Variants in PRAMEF1 observed in about 807,000 individuals in gnomAD.
PRAMEF1 encodes PRAME family member 1.
Under a neutral mutation model 38.2 loss-of-function variants are expected in PRAMEF1, and 21 were observed. The observed-to-expected ratio is 0.55, with a 90% CI of 0.39 to 0.79. The LOEUF (loss-of-function observed/expected upper bound fraction) is 0.79, where lower values mean the gene tolerates loss of function less well. Ranked by LOEUF, PRAMEF1 falls within the 30% of genes least tolerant of loss-of-function variation. The pLI is 0.00. For synonymous variants in PRAMEF1, 200 were observed against 229.0 expected (o/e 0.87, Z 1.14); for missense variants, 497 against 565.8 (o/e 0.88, Z 1.23).
At chr1:12,792,909 A>G (rs1953926) in intron 1 of PRAMEF1, among the ~76,000 whole-genome samples, 3 of 150,378 alleles carry the variant, frequency 2.0e-5, no homozygotes, top group Non-Finnish European at 3.0e-5. Flanking sequence ...TTTATGGTGT[A>G]AACTGAGAAT....
rs375417480 is a variant in PRAMEF1, at chr1:12,793,222, A to G, written c.-6A>G. 8 of 1,606,780 alleles carry G rather than the reference A, an allele frequency of 5.0e-6. 1 individual carries two copies. The highest frequency in any genetic ancestry group is 6.8e-6 in the Non-Finnish European group (8 of 1,177,204). On this transcript the variant is annotated 5_prime_UTR_variant, in exon 2 of 4. Transcript: ENST00000332296. Reference sequence around the variant, plus strand: ...TTCTAGAGATTTTCCTTGCAGATCTATCAGGATGAGCATCCAGGCCCCACC... The same window carrying G: ...TTCTAGAGATTTTCCTTGCAGATCTGTCAGGATGAGCATCCAGGCCCCACC...
chr1:12,796,306 A>T lies in PRAMEF1; in HGVS notation c.*310A>T. On this transcript the variant is annotated 3_prime_UTR_variant, in exon 4 of 4. Coordinates refer to ENST00000332296, the MANE Select transcript of PRAMEF1 (RefSeq NM_023013.4). ...CACAGGCAAGTGTTCAGTGTGAGGG[A>T]AAAAACATAACAGCAGGGGGCAAGG... 2.2e-6 allele frequency: 1 copy of T among 447,216 alleles called. No individual in the cohort carries two copies. The highest frequency in any genetic ancestry group is 3.8e-6 in the Non-Finnish European group (1 of 266,188). The allele number at this position is 447,216 out of a possible 1,614,324, so 27.7% of individuals were successfully genotyped here.
chr1:12,796,196 T>C lies in PRAMEF1; in HGVS notation c.*200T>C. ...AGCTGGTCTCAAACTGCTGGGCTTATGGGATCCTCCTGCCTCAGCTTCCTA... is the reference window on the plus strand; with the variant it reads ...AGCTGGTCTCAAACTGCTGGGCTTACGGGATCCTCCTGCCTCAGCTTCCTA... On this transcript the variant is annotated 3_prime_UTR_variant, in exon 4 of 4. Transcript: ENST00000332296. 2 of 1,088,096 alleles carry C rather than the reference T, an allele frequency of 1.8e-6. No homozygotes were observed. Among genetic ancestry groups the C allele is most frequent in the Non-Finnish European group, 1.3e-6 (1 of 784,088 alleles). The allele number at this position is 1,088,096 out of a possible 1,614,324, so 67.4% of individuals were successfully genotyped here. A position where few individuals can be genotyped will look rare whatever the true frequency, so the allele number is the denominator to read the frequency against.
Position 12,794,752 on chromosome 1 carries a change from C to A in PRAMEF1, c.866+259C>A, listed in dbSNP as rs1171293894. 5.7e-5 allele frequency: 80 copies of A among 1,394,022 alleles called. 2 individuals are homozygous for A. Among genetic ancestry groups the A allele is most frequent in the Non-Finnish European group, 7.4e-5 (78 of 1,050,322 alleles). The allele number at this position is 1,394,022 out of a possible 1,614,324, so 86.4% of individuals were successfully genotyped here. ...TGTACAAGCTAGTTAGTGGGGGTTT[C>A]AGCTCTATTGGGGGTGCACGTGTGA... is the stretch of plus-strand genomic sequence containing the variant. On this transcript the variant is annotated intron_variant, in intron 3 of 3. Coordinates refer to ENST00000332296, the MANE Select transcript of PRAMEF1 (RefSeq NM_023013.4).
chr1:12,795,199 A>G (rs1289412182), intron 3 of PRAMEF1, among the ~76,000 whole-genome samples: 1 of 151,334 alleles, frequency 6.6e-6, no homozygotes, highest in Admixed American at 6.6e-5. Context: ...GAAAAAAAAA[A>G]GGCTTTAGAG....
chr1:12,795,529 G>C lies in PRAMEF1; in HGVS notation c.958G>C (p.Gly320Arg), dbSNP rs774599101. 1.2e-6 allele frequency: 2 copies of C among 1,612,430 alleles called. No homozygotes were observed. The highest frequency in any genetic ancestry group is 2.2e-5 in the South Asian group (2 of 90,944). ...MKCLSQYPSL[G>R]YLKHLNLSYV... is the part of the protein sequence containing the mutation. Reference sequence around the variant, plus strand: ...GTGTCTCTCCCAGTACCCAAGCCTCGGTTACCTAAAGCATCTGAATCTCAG... The same window carrying C: ...GTGTCTCTCCCAGTACCCAAGCCTCCGTTACCTAAAGCATCTGAATCTCAG... Residue 320 changes from glycine to arginine, a missense_variant, in exon 4 of 4, where the codon GGT (glycine) becomes CGT (arginine). Gly to Arg is a moderately radical substitution (Grantham distance 125). This residue lies in a region of PRAMEF1 where 470 missense variants were observed against 501.9 expected (regional missense o/e 0.94). Coordinates refer to ENST00000332296, the MANE Select transcript of PRAMEF1 (RefSeq NM_023013.4).
chr1:12,792,863 G>A lies in PRAMEF1; in HGVS notation c.-25-340G>A, dbSNP rs540850927. 1.2e-4 allele frequency among the ~76,000 whole-genome samples: 18 copies of A among 150,960 alleles called. 1 individual carries two copies. The East Asian group carries it at 2.4e-3, about 20-fold the overall frequency. ...TTTCAAAATAAAAAATAATGGCATC[G>A]ATTTTAGGGAGTCCCTTTAGTGTTC... On this transcript the variant is annotated intron_variant, in intron 1 of 3. Transcript: ENST00000332296.
At chr1:12,795,244 G>T (rs1370772978) in intron 3 of PRAMEF1, among the ~76,000 whole-genome samples, 194 bp from the exon 4 acceptor site, 1 of 151,982 alleles carries the variant, frequency 6.6e-6, no homozygotes, top group Non-Finnish European at 1.5e-5. Flanking sequence ...ACAAGCAATG[G>T]TGAAAGGGCT....
rs201490702 is a variant in PRAMEF1, at chr1:12,791,470, C to T, written c.-30C>T. The T allele has an allele frequency of 2.0e-5, 3 of 146,554 alleles. No individual in the cohort carries two copies. Among genetic ancestry groups the T allele is most frequent in the East Asian group, 2.2e-4 (1 of 4,542 alleles). The allele number at this position is 146,554 out of a possible 1,614,324, so 9.1% of individuals were successfully genotyped here. On this transcript the variant is annotated 5_prime_UTR_variant, in exon 1 of 4. Transcript: ENST00000332296. ...CCAGAACTCTGCGAAGTGAGTCCAG[C>T]GCTGGTAAGTCACCACCTGCTTAGG... is the stretch of plus-strand genomic sequence containing the variant.
intron 2 of PRAMEF1, 64 bp from the exon 3 acceptor site, chr1:12,793,851 A>G: frequency 6.9e-7 from 1 of 1,456,774 alleles, no homozygotes; most frequent in Non-Finnish European, 9.5e-7. Flanking sequence ...TGGGATGACA[A>G]TGAAAGCAAA....
chr1:12,795,383 A>G lies in PRAMEF1; in HGVS notation c.867-55A>G, dbSNP rs1485412287. The stretch of plus-strand genomic sequence containing the variant: ...CGCAGGCATTTTCCTAGATGAAGGC[A>G]CTACCTTCATCTAACTGGTATCACT... On this transcript the variant is annotated intron_variant, in intron 3 of 3. Coordinates refer to ENST00000332296, the MANE Select transcript of PRAMEF1 (RefSeq NM_023013.4). The G allele has an allele frequency of 5.7e-5, 91 of 1,593,756 alleles. 2 individuals carry two copies. In the Admixed American group the frequency reaches 1.5e-3, roughly 26 times the overall value.
chr1:12,792,258 G>A (rs1184007552), intron 1 of PRAMEF1, among the ~76,000 whole-genome samples: 1 of 151,322 alleles, frequency 6.6e-6, no homozygotes, highest in Non-Finnish European at 1.5e-5. Flanking sequence ...CTGACCTCAG[G>A]AGATCTGCCC....
Position 12,795,531 on chromosome 1 carries a change from T to C in PRAMEF1, c.960T>C (p.Gly320=), listed in dbSNP as rs5003725. The change falls in exon 4 of 4, where the codon GGT becomes GGC. Residue 320 remains glycine, a synonymous_variant. Coordinates refer to ENST00000332296, the MANE Select transcript of PRAMEF1 (RefSeq NM_023013.4). The stretch of plus-strand genomic sequence containing the variant: ...GTCTCTCCCAGTACCCAAGCCTCGG[T>C]TACCTAAAGCATCTGAATCTCAGCT... ...MKCLSQYPSL[G]YLKHLNLSYV... The C allele has an allele frequency of 6.2e-6, 10 of 1,612,400 alleles. No homozygotes were observed. Among genetic ancestry groups the C allele is most frequent in the African/African-American group, 2.7e-5 (2 of 74,758 alleles).
rs114287927 is a variant in PRAMEF1, at chr1:12,796,585, G to A, written c.*589G>A. The A allele has an allele frequency of 1.3e-5, 2 of 154,456 alleles. No homozygotes were observed. Among genetic ancestry groups the A allele is most frequent in the African/African-American group, 4.8e-5 (2 of 41,260 alleles). 9.6% of individuals were successfully genotyped at this position (154,456 alleles called of 1,614,324 possible). A position where few individuals can be genotyped will look rare whatever the true frequency, so the allele number is the denominator to read the frequency against. ...CTAATTTGTCTGTGATTGAGTTTCA[G>A]TTGTAGAACATCAAAGCAACCAAAT... On this transcript the variant is annotated 3_prime_UTR_variant, in exon 4 of 4. Coordinates refer to ENST00000332296, the MANE Select transcript of PRAMEF1 (RefSeq NM_023013.4).
intron 3 of PRAMEF1, chr1:12,795,091 C>A: frequency 1.9e-6 from 2 of 1,049,814 alleles, no homozygotes; most frequent in Non-Finnish European, 2.6e-6. Flanking sequence ...TGACATGTAG[C>A]TCTAGCTGAT....
chr1:12,795,130 T>C (rs1363304811), intron 3 of PRAMEF1, among the ~76,000 whole-genome samples: 1 of 151,312 alleles, frequency 6.6e-6, no homozygotes, highest in Non-Finnish European at 1.5e-5. Flanking sequence ...GTTGAGTTCT[T>C]TGTTCACATC....
Position 12,795,751 on chromosome 1 carries a change from C to A in PRAMEF1, c.1180C>A (p.Leu394Met), listed in dbSNP as rs552213448. The change falls in exon 4 of 4, where the codon CTG becomes ATG. Residue 394 changes from leucine (L) to methionine (M), a missense_variant. By Grantham distance (15) the Leu-to-Met change is conservative. Coordinates refer to ENST00000332296, the MANE Select transcript of PRAMEF1 (RefSeq NM_023013.4). ...FGRNCMSIDA[L>M]KDLLRHTSGL... ...CAGAAATTGCATGTCTATTGACGCC[C>A]TGAAGGACCTGCTGCGCCACACCAG... 2 of 1,611,306 alleles carry A rather than the reference C, an allele frequency of 1.2e-6. No homozygotes were observed. Among genetic ancestry groups the A allele is most frequent in the Non-Finnish European group, 1.7e-6 (2 of 1,179,710 alleles).
In PRAMEF1 at chr1:12,794,403, T is replaced by A; in HGVS notation, c.776T>A (p.Phe259Tyr). 1.2e-5 allele frequency: 19 copies of A among 1,610,750 alleles called. 2 individuals carry two copies. Among genetic ancestry groups the A allele is most frequent in the Non-Finnish European group, 1.6e-5 (19 of 1,178,054 alleles). The change falls in exon 3 of 4, where the codon TTC becomes TAC. Residue 259 changes from phenylalanine to tyrosine, a missense_variant. Physicochemically the swap from Phe to Tyr is conservative, Grantham distance 22 (BLOSUM62 3). Around this residue, in one of 2 missense-constraint regions of PRAMEF1, gnomAD observed 470 missense variants for 501.9 expected, o/e 0.94. Coordinates refer to ENST00000332296, the MANE Select transcript of PRAMEF1 (RefSeq NM_023013.4). The stretch of plus-strand genomic sequence containing the variant: ...CTCGAAGGACGGTTAGTTGCCAAAT[T>A]CAGCTCTGTGTTCCTCAGGCTGGAA... ...NELEGRLVAKFSSVFLRLEHL... is the reference protein window; with the variant it reads ...NELEGRLVAKYSSVFLRLEHL...
intron 2 of PRAMEF1, 84 bp downstream of exon 2, chr1:12,793,598 T>A (rs1453413926): frequency 6.5e-7 from 1 of 1,547,632 alleles, no homozygotes; most frequent in African/African-American, 1.4e-5. Context: ...GTAGCCCAAG[T>A]GTGGCCCAGA....
Sources: gnomAD v4.1 joint callset for allele counts (sites outside exome capture counted in the v4.1 genomes callset) on GRCh38, gnomAD v4.1.1 for gene constraint, gnomAD v4.1.1 regional missense constraint, MANE v1.5 for transcripts, NCBI Gene and HGNC (gene_info 2026-07-23, HGNC 2026-07-21) for gene names.